MROH7: variants seen among roughly 807,000 people sequenced by gnomAD.
MROH7 encodes the protein maestro heat like repeat family member 7.
A neutral mutation model predicts 129.2 loss-of-function variants in MROH7; 113 were observed. The observed-to-expected ratio is 0.87, with a 90% CI of 0.75 to 1.02. The LOEUF (loss-of-function observed/expected upper bound fraction) is 1.02. MROH7 is among the 50% of genes least tolerant of loss of function. The pLI, the probability that MROH7 is intolerant of heterozygous loss-of-function variation, is 0.00. For synonymous variants in MROH7, 655 were observed against 667.9 expected (o/e 0.98, Z 0.30); for missense variants, 1,601 against 1,671.3 (o/e 0.96, Z 0.73).
Position 54,653,747 on chromosome 1 carries a change from A to G in MROH7, c.821A>G (p.Glu274Gly). The G allele has an allele frequency of 1.9e-6, 3 of 1,614,192 alleles. No individual in the cohort carries two copies. Among genetic ancestry groups the G allele is most frequent in the Non-Finnish European group, 2.5e-6 (3 of 1,180,034 alleles). Reference sequence around the variant, plus strand: ...ACCACCTGGAGCACAAGTTCAAAGGAAACCATGAATGTGGCTTCCAGCGGC... The same window carrying G: ...ACCACCTGGAGCACAAGTTCAAAGGGAACCATGAATGTGGCTTCCAGCGGC... ...FSTTWSTSSK[E>G]TMNVASSGHS... The change falls in exon 3 of 24, where the codon GAA becomes GGA. Residue 274 changes from glutamate (E) to glycine (G), a missense_variant. Physicochemically the swap from Glu to Gly is moderately conservative, Grantham distance 98. Transcript: ENST00000421030.
intron 21 of MROH7, among the ~76,000 whole-genome samples, chr1:54,704,550 T>C (rs1645496863): frequency 6.6e-6 from 1 of 150,452 alleles, no homozygotes; most frequent in Non-Finnish European, 1.5e-5. Context: ...GAGATTCTCC[T>C]GCATCGGCCT....
At chr1:54,665,320 C>A (rs1644795466) in intron 4 of MROH7, 80 bp downstream of exon 4, 8 of 1,034,766 alleles carry the variant, frequency 7.7e-6, no homozygotes, top group Middle Eastern at 2.8e-4. Flanking sequence ...AGCCCAGCAG[C>A]CTCCGCATTC....
chr1:54,680,237 A>G (rs1645048321), intron 13 of MROH7, among the ~76,000 whole-genome samples, 192 bp downstream of exon 13: 1 of 152,178 alleles, frequency 6.6e-6, no homozygotes, highest in Non-Finnish European at 1.5e-5. Flanking sequence ...GAGCATTACA[A>G]TAGTCTCTAA....
chr1:54,673,907 C>G, intron 9 of MROH7, 102 bp downstream of exon 9: 1 of 1,528,460 alleles, frequency 6.5e-7, no homozygotes, highest in East Asian at 2.3e-5. Context: ...CTCTTGCCAT[C>G]TTCAGAGGGC....
In MROH7 at chr1:54,654,006, C is replaced by T; in HGVS notation, c.1080C>T (p.Ala360=). 1 of 1,614,222 alleles carries T rather than the reference C, an allele frequency of 6.2e-7. No homozygotes were observed. The highest frequency in any genetic ancestry group is 8.5e-7 in the Non-Finnish European group (1 of 1,180,050). Residue 360 remains alanine, a synonymous_variant, in exon 3 of 24, where the codon GCC becomes GCT. Coordinates refer to ENST00000421030, the MANE Select transcript of MROH7 (RefSeq NM_001039464.4). ...CGCTGAGCAGTCAGCAGGATGATGC[C>T]AAGGACAACAGCATCCACACTGTGC... is the stretch of plus-strand genomic sequence containing the variant. ...TLTLSSQQDD[A]KDNSIHTVPL...
chr1:54,690,604 C>T (rs376980202), intron 15 of MROH7, among the ~76,000 whole-genome samples: 137 of 152,094 alleles, frequency 9.0e-4, no homozygotes, highest in African/African-American at 3.2e-3. Flanking sequence ...CCACCACGCC[C>T]GGCTAATTTT....
In MROH7 at chr1:54,653,496, C is replaced by A; in HGVS notation, c.570C>A (p.Gly190=). The A allele has an allele frequency of 6.2e-7, 1 of 1,614,186 alleles. No individual in the cohort carries two copies. Among genetic ancestry groups the A allele is most frequent in the South Asian group, 1.1e-5 (1 of 91,084 alleles). Residue 190 remains glycine (G), a synonymous_variant, in exon 3 of 24, where the codon GGC becomes GGA. Coordinates refer to ENST00000421030, the MANE Select transcript of MROH7 (RefSeq NM_001039464.4). ...RHHSREGLVL[G]HCISRPSSKA... ...ATTCCAGAGAAGGTCTGGTTCTGGGCCACTGCATCTCTAGGCCAAGCTCAA... is the reference window on the plus strand; with the variant it reads ...ATTCCAGAGAAGGTCTGGTTCTGGGACACTGCATCTCTAGGCCAAGCTCAA...
intron 3 of MROH7, among the ~76,000 whole-genome samples, chr1:54,661,142 T>C (rs1230419479): frequency 6.6e-6 from 1 of 152,142 alleles, no homozygotes; most frequent in African/African-American, 2.4e-5. Context: ...CTTTGTTAGA[T>C]ACATGAATTT....
chr1:54,642,711 G>A (rs1237464751), intron 1 of MROH7, among the ~76,000 whole-genome samples: 1 of 152,054 alleles, frequency 6.6e-6, no homozygotes, highest in African/African-American at 2.4e-5. Flanking sequence ...AACCTCCCCG[G>A]CTCCAGTGAC....
At chr1:54,657,433 C>T (rs1279679266) in intron 3 of MROH7, among the ~76,000 whole-genome samples, 1 of 152,074 alleles carries the variant, frequency 6.6e-6, no homozygotes, top group East Asian at 1.9e-4. Context: ...GGCTGGAGTG[C>T]AGTGGAGCGA....
chr1:54,665,127 A>G (rs768936493), intron 3 of MROH7, 40 bp from the exon 4 acceptor site: 1 of 1,547,678 alleles, frequency 6.5e-7, no homozygotes, highest in South Asian at 1.1e-5. Context: ...TAGGTACATC[A>G]CAGCTTTATC....
At position 54,702,175 on chromosome 1, in the gene MROH7, A is replaced by T; in HGVS notation, c.3371A>T (p.Glu1124Val). ...CGGGCACCACGCACTCAGGCCATGGAGGAGCAGCTGGTCAGCACCTTGGTG... is the reference window on the plus strand; with the variant it reads ...CGGGCACCACGCACTCAGGCCATGGTGGAGCAGCTGGTCAGCACCTTGGTG... ...KLRAPRTQAM[E>V]EQLVSTLVPL... The change falls in exon 20 of 24, where the codon GAG (glutamate) becomes GTG (valine). Residue 1124 changes from glutamate (E) to valine (V), a missense_variant. Glu to Val is a moderately radical substitution (Grantham distance 121). Coordinates refer to ENST00000421030, the MANE Select transcript of MROH7 (RefSeq NM_001039464.4). The T allele has an allele frequency of 6.2e-7, 1 of 1,607,194 alleles. No individual in the cohort carries two copies. Among genetic ancestry groups the T allele is most frequent in the Non-Finnish European group, 8.5e-7 (1 of 1,177,180 alleles).
intron 10 of MROH7, among the ~76,000 whole-genome samples, chr1:54,674,931 C>T (rs534062806): frequency 5.3e-5 from 8 of 152,186 alleles, no homozygotes; most frequent in Non-Finnish European, 8.8e-5. Context: ...TTGTGTAGGC[C>T]TAGATTTCCT....
chr1:54,673,899 C>G (rs905229497), intron 9 of MROH7, 94 bp downstream of exon 9: 1 of 1,522,408 alleles, frequency 6.6e-7, no homozygotes, highest in East Asian at 2.3e-5. Context: ...CCAGGTGGCT[C>G]TTGCCATCTT....
At position 54,679,981 on chromosome 1, in the gene MROH7, C is replaced by G; in HGVS notation, c.2317C>G (p.Leu773Val). 1 of 1,614,086 alleles carries G rather than the reference C, an allele frequency of 6.2e-7. No individual in the cohort carries two copies. The highest frequency in any genetic ancestry group is 1.1e-5 in the South Asian group (1 of 91,082). The change falls in exon 13 of 24, where the codon CTG (leucine) becomes GTG (valine). Residue 773 changes from leucine to valine, a missense_variant. Leu to Val is a conservative substitution (Grantham distance 32, BLOSUM62 1). Coordinates refer to ENST00000421030, the MANE Select transcript of MROH7 (RefSeq NM_001039464.4). ...RQVALLPVSLLASSFMTEVVV... is the reference protein window; with the variant it reads ...RQVALLPVSLVASSFMTEVVV... ...GGTGGCCCTGCTGCCCGTCTCCCTCCTGGCTAGCTCCTTCATGACCGAGGT... is the reference window on the plus strand; with the variant it reads ...GGTGGCCCTGCTGCCCGTCTCCCTCGTGGCTAGCTCCTTCATGACCGAGGT...
chr1:54,659,294 AT>A, intron 3 of MROH7: 1 of 160,100 alleles, frequency 6.2e-6, no homozygotes, highest in Non-Finnish European at 1.3e-5. Context: ...TTATTTATTT[AT>A]TTTTTGAGAT....
intron 3 of MROH7, among the ~76,000 whole-genome samples, chr1:54,655,242 C>T (rs896266763): frequency 3.3e-5 from 5 of 151,432 alleles, no homozygotes; most frequent in Admixed American, 6.6e-5. Context: ...CTTGAACTCC[C>T]GACCTCAGGT....
chr1:54,665,414 T>G (rs548288202), intron 4 of MROH7, among the ~76,000 whole-genome samples, 174 bp downstream of exon 4: 1 of 152,368 alleles, frequency 6.6e-6, no homozygotes, highest in East Asian at 1.9e-4. Context: ...TCATCTTCTT[T>G]CTTGTTCATC....
intron 3 of MROH7, among the ~76,000 whole-genome samples, chr1:54,659,737 G>A (rs981046169): frequency 1.6e-4 from 24 of 152,196 alleles, no homozygotes; most frequent in Middle Eastern, 3.2e-3. Context: ...ACAAGCGTGA[G>A]CCACTGTGCC....
Sources: gnomAD v4.1 joint callset for allele counts (sites outside exome capture counted in the v4.1 genomes callset) on GRCh38, gnomAD v4.1.1 for gene constraint, MANE v1.5 for transcripts, NCBI Gene and HGNC (gene_info 2026-07-23, HGNC 2026-07-21) for gene names.